Variants in ZNF273 observed in about 807,000 individuals in gnomAD.
ZNF273 encodes zinc finger protein 9.
ZNF273 carries 11 observed loss-of-function variants against 14.9 expected under a neutral mutation model. The ratio of observed to expected loss-of-function variants is 0.74; its 90% CI spans 0.46 to 1.22. The LOEUF (loss-of-function observed/expected upper bound fraction) is 1.22, where lower values mean the gene tolerates loss of function less well. Among genes scored for constraint, ZNF273 ranks in the 50% most tolerant of loss-of-function variants. The probability of loss-of-function intolerance (pLI) is 0.00; values close to 1 mark genes in which losing one functional copy is unlikely to be tolerated. For synonymous variants in ZNF273, 199 were observed against 223.9 expected, an observed-to-expected ratio of 0.89 and a Z score of 0.99; for missense variants, 577 against 660.6, an observed-to-expected ratio of 0.87 and a Z score of 1.39.
rs780537439 is a variant in ZNF273 at position 64,927,838 on chromosome 7, G to C, written c.510G>C (p.Leu170Phe). 14 of 1,613,884 alleles carry C rather than the reference G, an allele frequency of 8.7e-6. No homozygotes were observed. In the African/African-American group the frequency reaches 1.6e-4, roughly 18 times the overall value. ...GTTATAATGGACTTAACCAATGTTTGACAACTACCCAGAGCAAAATATTTC... is the reference window on the plus strand; with the variant it reads ...GTTATAATGGACTTAACCAATGTTTCACAACTACCCAGAGCAAAATATTTC... ...KRGYNGLNQC[L>F]TTTQSKIFQC... Residue 170 changes from leucine to phenylalanine, a missense_variant, in exon 4 of 4, where the codon TTG (leucine) becomes TTC (phenylalanine). Leu to Phe is a conservative substitution (Grantham distance 22, BLOSUM62 0). Transcript: ENST00000476120.
downstream of ZNF273, among the ~76,000 whole-genome samples, chr7:64,882,194 T>C (rs917094439): frequency 6.6e-6 from 1 of 151,954 alleles, no homozygotes; most frequent in Non-Finnish European, 1.5e-5. Flanking sequence ...CCTCAACAAC[T>C]CACCAGACTG....
chr7:64,900,255 T>C (rs1405972495), upstream of ZNF273, among the ~76,000 whole-genome samples: 2 of 151,954 alleles, frequency 1.3e-5, no homozygotes, highest in African/African-American at 2.4e-5. Flanking sequence ...GACTCCTGAG[T>C]AGCTGGGAAT....
chr7:64,922,702 C>T (rs1794557511), intron 3 of ZNF273, among the ~76,000 whole-genome samples: 1 of 151,944 alleles, frequency 6.6e-6, no homozygotes, highest in African/African-American at 2.4e-5. Context: ...GTCCATGTCA[C>T]ACCTGTAATC....
At chr7:64,926,668 G>A (rs1165044182) in intron 3 of ZNF273, among the ~76,000 whole-genome samples, 1 of 152,074 alleles carries the variant, frequency 6.6e-6, no homozygotes, top group African/African-American at 2.4e-5. Flanking sequence ...TTTTTATTGA[G>A]ATTTGGACAT....
chr7:64,932,738 A>G (rs1006415486), downstream of ZNF273, among the ~76,000 whole-genome samples: 3 of 152,086 alleles, frequency 2.0e-5, no homozygotes, highest in African/African-American at 4.8e-5. Flanking sequence ...CCCGGCCAAC[A>G]TGGTGAAACC....
downstream of ZNF273, among the ~76,000 whole-genome samples, chr7:64,935,551 C>T (rs1274987331): frequency 3.9e-5 from 6 of 152,054 alleles, no homozygotes; most frequent in East Asian, 3.9e-4. Context: ...GAAACAGAGT[C>T]TCACTCTGTC....
intron 3 of ZNF273, among the ~76,000 whole-genome samples, chr7:64,920,490 G>T (rs1232106049): frequency 6.7e-6 from 1 of 148,962 alleles, no homozygotes; most frequent in African/African-American, 2.5e-5. Flanking sequence ...AGGTCTGTCC[G>T]CATGGCTATA....
chr7:64,919,636 A>AT lies in ZNF273; in HGVS notation c.325+1350dup, dbSNP rs568787931. Among the ~76,000 whole-genome samples the AT allele has an allele frequency of 9.2e-5, 14 of 152,210 alleles. No homozygotes were observed. In the South Asian group the frequency reaches 2.7e-3, roughly 29 times the overall value. Reference sequence around the variant, plus strand: ...CAACAGAGCAAAACGGTCAAAAAAGATTTTTTACCTGCTTGGTTAAATTTC... The same window carrying AT: ...CAACAGAGCAAAACGGTCAAAAAAGATTTTTTTACCTGCTTGGTTAAATTTC... On this transcript the variant is annotated intron_variant, in intron 3 of 3. Transcript: ENST00000476120.
intron 3 of ZNF273, among the ~76,000 whole-genome samples, chr7:64,925,091 C>T (rs12533393): frequency 0.036 from 5,536 of 152,224 alleles, 136 homozygotes; most frequent in Middle Eastern, 0.082. Context: ...CATGAGCCAC[C>T]GTGCCTGGCC....
chr7:64,904,519 C>T (rs889183806), intron 1 of ZNF273, among the ~76,000 whole-genome samples: 2 of 152,072 alleles, frequency 1.3e-5, no homozygotes, highest in African/African-American at 2.4e-5. Context: ...CACATGTGGC[C>T]CAAGCAGAGT....
chr7:64,909,834 C>CT (rs1793366006), intron 1 of ZNF273, among the ~76,000 whole-genome samples: 2 of 148,266 alleles, frequency 1.3e-5, no homozygotes, highest in African/African-American at 5.2e-5. Flanking sequence ...TTGCAAGCAT[C>CT]GTTTTTTTTT....
rs746211807 is a variant in ZNF273, at chr7:64,929,299, T to C, written c.*261T>C. On this transcript the variant is annotated 3_prime_UTR_variant, in exon 4 of 4. Coordinates refer to ENST00000476120, the MANE Select transcript of ZNF273 (RefSeq NM_021148.3). ...TTTCAGACAATATAAGCCTGCAAAG[T>C]GCAGCAGAGTATTTATTTTGAAGAG... 1.2e-5 allele frequency: 3 copies of C among 251,324 alleles called. No homozygotes were observed. Among genetic ancestry groups the C allele is most frequent in the African/African-American group, 2.2e-5 (1 of 44,858 alleles). 15.6% of individuals were successfully genotyped at this position (251,324 alleles called of 1,614,324 possible).
At chr7:64,882,749 T>A (rs557630232), downstream of ZNF273, 478 of 152,558 alleles carry the variant, frequency 3.1e-3, 1 homozygote, top group Admixed American at 8.2e-3. Context: ...TCCAAAAGGA[T>A]CCGCAGGAGG....
At chr7:64,914,925 C>CTTTT (rs35818236) in intron 1 of ZNF273, among the ~76,000 whole-genome samples, 14 of 133,394 alleles carry the variant, frequency 1.0e-4, no homozygotes, top group East Asian at 6.6e-4. Context: ...AAAAAATGGC[C>CTTTT]TTTTTTTTTT....
downstream of ZNF273, among the ~76,000 whole-genome samples, chr7:64,890,359 G>C (rs139571897): frequency 9.1e-3 from 1,386 of 152,168 alleles, 16 homozygotes; most frequent in African/African-American, 0.032. Flanking sequence ...AAATCCTTGT[G>C]GGTCAAGGAG....
intron 2 of ZNF273, among the ~76,000 whole-genome samples, chr7:64,878,746 G>A (rs971716692): frequency 6.6e-5 from 10 of 152,226 alleles, no homozygotes; most frequent in Non-Finnish European, 1.2e-4. Flanking sequence ...ATGGCAGTGG[G>A]ATGGATGACT....
chr7:64,922,514 G>T (rs1355956743), intron 3 of ZNF273, among the ~76,000 whole-genome samples: 1 of 151,760 alleles, frequency 6.6e-6, no homozygotes, highest in Non-Finnish European at 1.5e-5. Flanking sequence ...GTTTCATCAT[G>T]TTGGCCGGGC....
At chr7:64,903,456 AG>A (rs1319594473) in intron 1 of ZNF273, 37 bp downstream of exon 1, 2 of 1,571,958 alleles carry the variant, frequency 1.3e-6, no homozygotes, top group Non-Finnish European at 1.7e-6. Flanking sequence ...AGAGAGGGGG[AG>A]GGCCTGGTTG....
chr7:64,929,017 T>G lies in ZNF273; in HGVS notation c.1689T>G (p.Asn563Lys), dbSNP rs1213924926. ...CAAACTTTTCTAGACATAAAAGAAA[T>G]CATATGGGTGAGAAATCCTAGAAAT... ...NTPNFSRHKRNHMGEKS is the reference protein window; with the variant it reads ...NTPNFSRHKRKHMGEKS Residue 563 changes from asparagine to lysine, a missense_variant, in exon 4 of 4, where the codon AAT becomes AAG. Physicochemically the swap from Asn to Lys is moderately conservative, Grantham distance 94 (BLOSUM62 0). Coordinates refer to ENST00000476120, the MANE Select transcript of ZNF273 (RefSeq NM_021148.3). The G allele has an allele frequency of 6.5e-7, 1 of 1,542,644 alleles. No individual in the cohort carries two copies.
Sources: gnomAD v4.1 joint callset for allele counts (sites outside exome capture counted in the v4.1 genomes callset) on GRCh38, gnomAD v4.1.1 for gene constraint, MANE v1.5 for transcripts, NCBI Gene and HGNC (gene_info 2026-07-23, HGNC 2026-07-21) for gene names.